Variants in SRPK1 observed in about 807,000 individuals in gnomAD.
SRPK1 encodes SRSF protein kinase 1.
Under a neutral mutation model 89.5 loss-of-function variants are expected in SRPK1, and 52 were observed. The observed-to-expected ratio is 0.58, with a 90% CI of 0.46 to 0.73. The LOEUF (loss-of-function observed/expected upper bound fraction) is 0.73. SRPK1 is among the 30% of genes least tolerant of loss of function. The pLI is 0.00. For synonymous variants in SRPK1, 255 were observed against 270.2 expected, an observed-to-expected ratio of 0.94 and a Z score of 0.55; for missense variants, 603 against 780.6, an observed-to-expected ratio of 0.77 and a Z score of 2.71.
At chr6:35,871,343 T>C (rs952815124) in intron 8 of SRPK1, among the ~76,000 whole-genome samples, 1 of 152,324 alleles carries the variant, frequency 6.6e-6, no homozygotes, top group Non-Finnish European at 1.5e-5. Context: ...TCAAGAGCTA[T>C]AGTAATTTGC....
intron 13 of SRPK1, among the ~76,000 whole-genome samples, chr6:35,853,933 A>G (rs924507111): frequency 6.6e-6 from 1 of 151,702 alleles, no homozygotes; most frequent in Non-Finnish European, 1.5e-5. Context: ...GTTCTTCACA[A>G]ATATTTTCCC....
chr6:35,918,447 GCCGAGA>G (rs1457437844), intron 2 of SRPK1, among the ~76,000 whole-genome samples: 1 of 151,864 alleles, frequency 6.6e-6, no homozygotes, highest in African/African-American at 2.4e-5. Flanking sequence ...GTTGCAGTGA[GCCGAGA>G]TCGCACCATT....
chr6:35,873,543 G>A (rs901651874), intron 7 of SRPK1, among the ~76,000 whole-genome samples: 25 of 151,426 alleles, frequency 1.7e-4, no homozygotes, highest in African/African-American at 4.4e-4. Flanking sequence ...AGGCTGGAGC[G>A]CGGTGGCGCG....
At chr6:35,848,027 C>G (rs909788597) in intron 13 of SRPK1, among the ~76,000 whole-genome samples, 4 of 152,010 alleles carry the variant, frequency 2.6e-5, no homozygotes, top group Admixed American at 1.3e-4. Context: ...GTTGCCCAGG[C>G]TGGTCTCACA....
chr6:35,842,450 G>GGCTCTTC (rs1281923094), intron 14 of SRPK1, 85 bp downstream of exon 14: 1 of 1,029,918 alleles, frequency 9.7e-7, no homozygotes, highest in East Asian at 2.6e-5. Flanking sequence ...ACAAGACTAA[G>GGCTCTTC]GCTCTTCGGT....
intron 13 of SRPK1, among the ~76,000 whole-genome samples, chr6:35,853,661 T>A (rs1249519948): frequency 6.6e-6 from 1 of 152,004 alleles, no homozygotes; most frequent in East Asian, 1.9e-4. Context: ...CCAGTGGGAG[T>A]CCTACAAATC....
chr6:35,870,135 C>T lies in SRPK1; in HGVS notation c.991+146G>A, dbSNP rs959262252. The T allele has an allele frequency of 8.3e-6, 7 of 842,372 alleles. No homozygotes were observed. The African/African-American group carries it at 1.2e-4, about 15-fold the overall frequency. 52.2% of individuals were successfully genotyped at this position (842,372 alleles called of 1,614,324 possible). On this transcript the variant is annotated intron_variant, in intron 10 of 15. Coordinates refer to ENST00000373825, the MANE Select transcript of SRPK1 (RefSeq NM_003137.5). ...GTTACAAATTACATTTAAATATTAC[C>T]TGCCTAACATTTATGACAAGATCCA...
chr6:35,905,530 A>G (rs1057239799), intron 2 of SRPK1, among the ~76,000 whole-genome samples: 1 of 152,242 alleles, frequency 6.6e-6, no homozygotes, highest in Non-Finnish European at 1.5e-5. Context: ...TGAAAGCAAA[A>G]TGAAACACAT....
chr6:35,911,771 T>C (rs1770974235), intron 2 of SRPK1, among the ~76,000 whole-genome samples: 1 of 151,808 alleles, frequency 6.6e-6, no homozygotes. Flanking sequence ...TTGGTAAAGA[T>C]GCTGTGAACA....
intron 14 of SRPK1, chr6:35,838,648 T>C: frequency 6.5e-7 from 1 of 1,544,182 alleles, no homozygotes; most frequent in Non-Finnish European, 8.8e-7. Flanking sequence ...CTAAAAACAA[T>C]CTTGGTGTGA....
intron 13 of SRPK1, among the ~76,000 whole-genome samples, chr6:35,851,544 G>T (rs751677316): frequency 1.5e-4 from 23 of 152,278 alleles, no homozygotes; most frequent in Non-Finnish European, 2.4e-4. Flanking sequence ...AAAGGAAAAA[G>T]AATTAAGAAT....
intron 2 of SRPK1, chr6:35,920,092 C>G (rs754868757): frequency 2.1e-6 from 1 of 466,096 alleles, no homozygotes; most frequent in South Asian, 1.5e-5. Context: ...CAAGTTAAGA[C>G]GTTGGGGAGC....
rs574809563 is a variant in SRPK1, at chr6:35,834,620, T to C, written c.*684A>G. 1.3e-5 allele frequency: 2 copies of C among 152,358 alleles called. No individual in the cohort carries two copies. Among genetic ancestry groups the C allele is most frequent in the South Asian group, 4.1e-4 (2 of 4,830 alleles). The allele number at this position is 152,358 out of a possible 1,614,324, so 9.4% of individuals were successfully genotyped here. On this transcript the variant is annotated 3_prime_UTR_variant, in exon 16 of 16. Coordinates refer to ENST00000373825, the MANE Select transcript of SRPK1 (RefSeq NM_003137.5). Reference sequence around the variant, plus strand: ...AGGTTCTCAAGAAATTACTATTCAATGGTTCTGTTTTTGCTTACATTAAAA... The same window carrying C: ...AGGTTCTCAAGAAATTACTATTCAACGGTTCTGTTTTTGCTTACATTAAAA...
At position 35,915,421 on chromosome 6, in the gene SRPK1, A is replaced by AAAG. The variant is rs1006532772; in HGVS notation, c.74+5046_74+5047insCTT. Among the ~76,000 whole-genome samples, 4 of 151,782 alleles carry AAAG rather than the reference A, an allele frequency of 2.6e-5. No individual in the cohort carries two copies. In the South Asian group the frequency reaches 8.3e-4, roughly 32 times the overall value. ...GACACCGTCTCAAAAAAAAAAAAAA[A>AAAG]AAAGAAAAATCTTGCTGGACAAAAT... On this transcript the variant is annotated intron_variant, in intron 2 of 15. Coordinates refer to ENST00000373825, the MANE Select transcript of SRPK1 (RefSeq NM_003137.5).
At chr6:35,912,637 T>C (rs992780770) in intron 2 of SRPK1, among the ~76,000 whole-genome samples, 1 of 152,200 alleles carries the variant, frequency 6.6e-6, no homozygotes, top group South Asian at 2.1e-4. Flanking sequence ...TGTAATACTT[T>C]AGCCAATTTA....
rs1490544349 is a variant in SRPK1, at chr6:35,920,454, G to C, written c.74+14C>G. ...GAAAATCCAAAGAATGGGATGTTGG[G>C]GTACAAGACTCACTTCCTTTGGGCT... On this transcript the variant is annotated intron_variant, in intron 2 of 15. Transcript: ENST00000373825. 6.2e-7 allele frequency: 1 copy of C among 1,612,476 alleles called. No homozygotes were observed. Among genetic ancestry groups the C allele is most frequent in the Admixed American group, 1.7e-5 (1 of 59,986 alleles).
In SRPK1 at chr6:35,874,275, A is replaced by G. The variant is rs181363207; in HGVS notation, c.543T>C (p.Tyr181=). 6 of 1,613,510 alleles carry G rather than the reference A, an allele frequency of 3.7e-6. No homozygotes were observed. In the African/African-American group the frequency reaches 6.7e-5, roughly 18 times the overall value. The change falls in exon 7 of 16, where the codon TAT becomes TAC. Residue 181 remains tyrosine (Y), a synonymous_variant. Transcript: ENST00000373825. ...HLLKWIIKSN[Y]QGLPLPCVKK... The stretch of plus-strand genomic sequence containing the variant: ...TGACACAAGGCAGTGGAAGCCCCTG[A>G]TAATTGGATTTGATGATCCACTTGA...
At chr6:35,871,061 G>A in intron 8 of SRPK1, 102 bp from the exon 9 acceptor site, 1 of 892,128 alleles carries the variant, frequency 1.1e-6, no homozygotes, top group East Asian at 2.6e-5. Context: ...TCTTTCTTAT[G>A]TAGTCTACAT....
intron 2 of SRPK1, among the ~76,000 whole-genome samples, chr6:35,900,971 CAG>C (rs1400357879): frequency 1.3e-5 from 2 of 151,914 alleles, no homozygotes; most frequent in African/African-American, 4.8e-5. Flanking sequence ...CTGAGCAACA[CAG>C]TGAGATTTCC....
Sources: gnomAD v4.1 joint callset for allele counts (sites outside exome capture counted in the v4.1 genomes callset) on GRCh38, gnomAD v4.1.1 for gene constraint, MANE v1.5 for transcripts, NCBI Gene and HGNC (gene_info 2026-07-23, HGNC 2026-07-21) for gene names.